Variants in OR6C3 observed in about 807,000 individuals in gnomAD.
OR6C3 encodes the protein olfactory receptor family 6 subfamily C member 3.
For synonymous variants in OR6C3, 177 were observed against 137.4 expected (o/e 1.29, Z -2.02); for missense variants, 487 against 364.6 (o/e 1.34, Z -2.73).
upstream of OR6C3, chr12:55,330,215 G>A (rs1868799139): frequency 6.6e-6 from 1 of 152,080 alleles, no homozygotes; most frequent in Non-Finnish European, 1.5e-5. Context: ...TATCCAATGT[G>A]TCATATATTT....
rs749221068 is a variant in OR6C3, at chr12:55,332,492, G to T, written c.792G>T (p.Lys264Asn). 2.3e-5 allele frequency: 37 copies of T among 1,613,742 alleles called. No homozygotes were observed. Among genetic ancestry groups the T allele is most frequent in the Middle Eastern group, 3.3e-4 (2 of 6,084 alleles). The change falls in exon 2 of 2, where the codon AAG becomes AAT. Residue 264 changes from lysine (K) to asparagine (N), a missense_variant. By Grantham distance (94) the Lys-to-Asn change is moderately conservative. Transcript: ENST00000641740. ...ATGCTAATCCATCTGCAAAAGAAAA[G>T]GCATCATTGACAAAAGGAATAGCTA... Reference protein sequence around the residue: ...FMYANPSAKEKASLTKGIAIL... With the variant: ...FMYANPSAKENASLTKGIAIL...
In OR6C3 at chr12:55,332,542, T is replaced by A. The variant is rs149472899; in HGVS notation, c.842T>A (p.Met281Lys). ...ATTCTCAATACATCTGTTGCCCCCA[T>A]GCTGAACCCCTTCATTTACACTCTG... ...IAILNTSVAP[M>K]LNPFIYTLRN... The change falls in exon 2 of 2, where the codon ATG becomes AAG. Residue 281 changes from methionine to lysine, a missense_variant. Coordinates refer to ENST00000641740, the MANE Select transcript of OR6C3 (RefSeq NM_001388498.1). 1.1e-4 allele frequency: 173 copies of A among 1,613,650 alleles called. 1 individual carries two copies. The East Asian group carries it at 3.0e-3, about 28-fold the overall frequency.
At position 55,331,949 on chromosome 12, in the gene OR6C3, C is replaced by T. The variant is rs1201139497; in HGVS notation, c.249C>T (p.Ile83=). 6.2e-7 allele frequency: 1 copy of T among 1,614,024 alleles called. No individual in the cohort carries two copies. Among genetic ancestry groups the T allele is most frequent in the African/African-American group, 1.3e-5 (1 of 74,930 alleles). ...VCIPRFLGAI[I]TRNKTISYNN... Reference sequence around the variant, plus strand: ...TCCCCAGATTTCTGGGGGCAATTATCACCAGGAATAAGACTATTTCCTATA... The same window carrying T: ...TCCCCAGATTTCTGGGGGCAATTATTACCAGGAATAAGACTATTTCCTATA... Residue 83 remains isoleucine, a synonymous_variant, in exon 2 of 2, where the codon ATC becomes ATT. Coordinates refer to ENST00000641740, the MANE Select transcript of OR6C3 (RefSeq NM_001388498.1).
At chr12:55,331,294 C>A (rs1215074939) in intron 1 of OR6C3, among the ~76,000 whole-genome samples, 1 of 148,416 alleles carries the variant, frequency 6.7e-6, no homozygotes, top group Admixed American at 6.7e-5. Flanking sequence ...GTGGTAATAT[C>A]CTTTAATGTA....
chr12:55,330,298 C>T (rs1222720021), upstream of OR6C3: 1 of 151,944 alleles, frequency 6.6e-6, no homozygotes, highest in African/African-American at 2.4e-5. Context: ...TTTTTTTGAA[C>T]TTCTAGTTCA....
Position 55,332,556 on chromosome 12 carries a change from A to C in OR6C3, c.856A>C (p.Ile286Leu), listed in dbSNP as rs770511166. The C allele has an allele frequency of 6.2e-7, 1 of 1,613,092 alleles. No homozygotes were observed. The highest frequency in any genetic ancestry group is 8.5e-7 in the Non-Finnish European group (1 of 1,179,938). Residue 286 changes from isoleucine (I) to leucine (L), a missense_variant, in exon 2 of 2, where the codon ATT becomes CTT. By Grantham distance (5) the Ile-to-Leu change is conservative. Transcript: ENST00000641740. ...TSVAPMLNPFIYTLRNQQVKQ... is the reference protein window; with the variant it reads ...TSVAPMLNPFLYTLRNQQVKQ... ...TGTTGCCCCCATGCTGAACCCCTTCATTTACACTCTGAGAAACCAGCAAGT... is the reference window on the plus strand; with the variant it reads ...TGTTGCCCCCATGCTGAACCCCTTCCTTTACACTCTGAGAAACCAGCAAGT...
At position 55,332,608 on chromosome 12, in the gene OR6C3, A is replaced by C; in HGVS notation, c.908A>C (p.His303Pro). ...QVKQAFKNVV[H>P]KVVFYANQ ...AAACAAGCCTTCAAAAATGTGGTCC[A>C]CAAAGTTGTGTTTTATGCAAATCAA... The change falls in exon 2 of 2, where the codon CAC (histidine) becomes CCC (proline). Residue 303 changes from histidine (H) to proline (P), a missense_variant. His to Pro is a moderately conservative substitution (Grantham distance 77). Coordinates refer to ENST00000641740, the MANE Select transcript of OR6C3 (RefSeq NM_001388498.1). 1 of 1,600,374 alleles carries C rather than the reference A, an allele frequency of 6.2e-7. No homozygotes were observed. The highest frequency in any genetic ancestry group is 8.5e-7 in the Non-Finnish European group (1 of 1,176,684).
Position 55,332,390 on chromosome 12 carries a change from A to G in OR6C3, c.690A>G (p.Gln230=), listed in dbSNP as rs1868893097. The change falls in exon 2 of 2, where the codon CAA becomes CAG. Residue 230 remains glutamine, a synonymous_variant. Coordinates refer to ENST00000641740, the MANE Select transcript of OR6C3 (RefSeq NM_001388498.1). Reference sequence around the variant, plus strand: ...TTTTGAGAATCCCGTCTGCCAGTCAAAGAAAAAAGGCTTTCTCCACTTGTT... The same window carrying G: ...TTTTGAGAATCCCGTCTGCCAGTCAGAGAAAAAAGGCTTTCTCCACTTGTT... ...RTILRIPSAS[Q]RKKAFSTCSS... The G allele has an allele frequency of 3.1e-6, 5 of 1,614,146 alleles. No homozygotes were observed. Among genetic ancestry groups the G allele is most frequent in the Middle Eastern group, 1.6e-4 (1 of 6,062 alleles).
In OR6C3 at chr12:55,330,813, T is replaced by A. The variant is rs1361527409; in HGVS notation, c.-45+6T>A. The A allele has an allele frequency of 6.6e-6, 1 of 152,142 alleles. No individual in the cohort carries two copies. 9.4% of individuals were successfully genotyped at this position (152,142 alleles called of 1,614,324 possible). On this transcript the variant is annotated splice_donor_region_variant and intron_variant, in intron 1 of 1. Transcript: ENST00000641740. The stretch of plus-strand genomic sequence containing the variant: ...GAGAGTTGCTGAGATCTAAGGCAAG[T>A]AGTTACTTTTCCAATTTATGCTTCA...
chr12:55,332,599 A>C lies in OR6C3; in HGVS notation c.899A>C (p.Asn300Thr). 1 of 1,605,208 alleles carries C rather than the reference A, an allele frequency of 6.2e-7. No homozygotes were observed. Among genetic ancestry groups the C allele is most frequent in the Non-Finnish European group, 8.5e-7 (1 of 1,178,292 alleles). ...CAGCAAGTAAAACAAGCCTTCAAAA[A>C]TGTGGTCCACAAAGTTGTGTTTTAT... The part of the protein sequence containing the change: ...RNQQVKQAFK[N>T]VVHKVVFYAN... The change falls in exon 2 of 2, where the codon AAT becomes ACT. Residue 300 changes from asparagine (N) to threonine (T), a missense_variant. By Grantham distance (65) the Asn-to-Thr change is moderately conservative (BLOSUM62 0). Transcript: ENST00000641740.
Position 55,331,680 on chromosome 12 carries a change from G to A in OR6C3, c.-21G>A, listed in dbSNP as rs573692707. The A allele has an allele frequency of 6.0e-6, 9 of 1,508,836 alleles. No individual in the cohort carries two copies. The African/African-American group carries it at 1.2e-4, about 21-fold the overall frequency. The allele number at this position is 1,508,836 out of a possible 1,614,324, so 93.5% of individuals were successfully genotyped here. The stretch of plus-strand genomic sequence containing the variant: ...AGAACAAAAAGGAGAGTGGAAGAAG[G>A]AGAGAGAGAAAGGACGAGACATGAA... On this transcript the variant is annotated 5_prime_UTR_variant, in exon 2 of 2. Transcript: ENST00000641740.
At position 55,331,992 on chromosome 12, in the gene OR6C3, CTCTTTT is replaced by C; in HGVS notation, c.298_303del (p.Phe100_Phe101del). The C allele has an allele frequency of 6.2e-7, 1 of 1,614,168 alleles. No individual in the cohort carries two copies. Among genetic ancestry groups the C allele is most frequent in the Non-Finnish European group, 8.5e-7 (1 of 1,180,034 alleles). On this transcript the variant is annotated inframe_deletion, in exon 2 of 2. Coordinates refer to ENST00000641740, the MANE Select transcript of OR6C3 (RefSeq NM_001388498.1). Reference sequence around the variant, plus strand: ...TTCCTATAACAACTGTGCAGCCCAACTCTTTTTCTTTATCTTCATGGGGGTGACTGA... The same window carrying C: ...TTCCTATAACAACTGTGCAGCCCAACTCTTTATCTTCATGGGGGTGACTGA...
chr12:55,331,246 T>C (rs1868831831), intron 1 of OR6C3, among the ~76,000 whole-genome samples: 1 of 151,976 alleles, frequency 6.6e-6, no homozygotes, highest in Non-Finnish European at 1.5e-5. Flanking sequence ...TTCACTTTTA[T>C]CTTTTGATGA....
chr12:55,331,230 C>T (rs1322097561), intron 1 of OR6C3, among the ~76,000 whole-genome samples: 1 of 151,674 alleles, frequency 6.6e-6, no homozygotes, highest in Non-Finnish European at 1.5e-5. Context: ...TAACAATCTT[C>T]TAATTTTCAC....
rs777573429 is a variant in OR6C3 at position 55,332,633 on chromosome 12, A to G, written c.933A>G (p.Gln311=). 2 of 1,559,388 alleles carry G rather than the reference A, an allele frequency of 1.3e-6. No homozygotes were observed. Among genetic ancestry groups the G allele is most frequent in the African/African-American group, 1.4e-5 (1 of 72,780 alleles). Residue 311 remains glutamine (Q), a synonymous_variant, in exon 2 of 2, where the codon CAA becomes CAG. Transcript: ENST00000641740. ...ACAAAGTTGTGTTTTATGCAAATCA[A>G]TGAATTTTTGGTCAAAAATAAAGAG... is the stretch of plus-strand genomic sequence containing the variant. ...VVHKVVFYAN[Q]
chr12:55,331,823 T>A lies in OR6C3; in HGVS notation c.123T>A (p.Thr41=). ...TYILSVTGNL[T]IITLTFVDSH... ...TATTAAGTGTTACTGGAAACCTGACTATCATCACCCTAACCTTTGTGGACT... is the reference window on the plus strand; with the variant it reads ...TATTAAGTGTTACTGGAAACCTGACAATCATCACCCTAACCTTTGTGGACT... Residue 41 remains threonine, a synonymous_variant, in exon 2 of 2, where the codon ACT becomes ACA. Transcript: ENST00000641740. The A allele has an allele frequency of 6.2e-7, 1 of 1,614,058 alleles. No individual in the cohort carries two copies. The highest frequency in any genetic ancestry group is 8.5e-7 in the Non-Finnish European group (1 of 1,179,902).
Position 55,331,828 on chromosome 12 carries a change from T to C in OR6C3, c.128T>C (p.Ile43Thr), listed in dbSNP as rs776337947. Residue 43 changes from isoleucine to threonine, a missense_variant, in exon 2 of 2, where the codon ATC becomes ACC. By Grantham distance (89) the Ile-to-Thr change is moderately conservative (BLOSUM62 -1). Transcript: ENST00000641740. ...ILSVTGNLTI[I>T]TLTFVDSHLQ... ...AGTGTTACTGGAAACCTGACTATCA[T>C]CACCCTAACCTTTGTGGACTCCCAT... is the stretch of plus-strand genomic sequence containing the variant. The C allele has an allele frequency of 1.2e-6, 2 of 1,614,026 alleles. No homozygotes were observed. The highest frequency in any genetic ancestry group is 4.5e-5 in the East Asian group (2 of 44,880).
chr12:55,331,284 G>T (rs1477386522), intron 1 of OR6C3, among the ~76,000 whole-genome samples: 3 of 150,976 alleles, frequency 2.0e-5, no homozygotes, highest in Admixed American at 6.6e-5. Context: ...TTATGTTTAG[G>T]TGGTAATATC....
rs182349373 is a variant in OR6C3 at position 55,332,552 on chromosome 12, C to G, written c.852C>G (p.Pro284=). Reference sequence around the variant, plus strand: ...CATCTGTTGCCCCCATGCTGAACCCCTTCATTTACACTCTGAGAAACCAGC... The same window carrying G: ...CATCTGTTGCCCCCATGCTGAACCCGTTCATTTACACTCTGAGAAACCAGC... ...LNTSVAPMLN[P]FIYTLRNQQV... Residue 284 remains proline (P), a synonymous_variant, in exon 2 of 2, where the codon CCC becomes CCG. Transcript: ENST00000641740. 9 of 1,613,150 alleles carry G rather than the reference C, an allele frequency of 5.6e-6. No homozygotes were observed. The East Asian group carries it at 2.0e-4, about 36-fold the overall frequency.
Sources: allele counts gnomAD v4.1 joint callset (sites outside exome capture counted in the v4.1 genomes callset), GRCh38; gene constraint gnomAD v4.1.1; transcripts MANE v1.5; gene names NCBI Gene and HGNC (gene_info 2026-07-23, HGNC 2026-07-21).